Variants in TRPC7 observed in about 807,000 individuals in gnomAD.
TRPC7 encodes the protein transient receptor potential cation channel subfamily C member 7.
Under a neutral mutation model 90.1 loss-of-function variants are expected in TRPC7, and 42 were observed. That is an observed-to-expected ratio of 0.47 (90% CI 0.36 to 0.60). The LOEUF (loss-of-function observed/expected upper bound fraction) is 0.60. TRPC7 is among the 20% of genes least tolerant of loss of function. The pLI, the probability that TRPC7 is intolerant of heterozygous loss-of-function variation, is 0.00. For synonymous variants in TRPC7, 451 were observed against 436.3 expected (o/e 1.03, Z -0.42); for missense variants, 955 against 1,112.3 (o/e 0.86, Z 2.01).
chr5:136,243,681 T>A (rs879841026), intron 7 of TRPC7, among the ~76,000 whole-genome samples: 6 of 151,890 alleles, frequency 4.0e-5, no homozygotes, highest in African/African-American at 1.2e-4. Context: ...TTTTTTTTTT[T>A]AATTAACAAA....
rs966499240 is a variant in TRPC7 at position 136,312,405 on chromosome 5, A to G, written c.963+3192T>C. 3.3e-5 allele frequency among the ~76,000 whole-genome samples: 5 copies of G among 152,204 alleles called. No individual in the cohort carries two copies. In the East Asian group the frequency reaches 5.8e-4, roughly 18 times the overall value. ...AGGGAGTCATCACTGAATGACAGCA[A>G]TGATGCTTCCTTTTGGAGCTGCAGA... On this transcript the variant is annotated intron_variant, in intron 3 of 11. Coordinates refer to ENST00000513104, the MANE Select transcript of TRPC7 (RefSeq NM_020389.3).
At position 136,338,071 on chromosome 5, in the gene TRPC7, G is replaced by A. The variant is rs565621162; in HGVS notation, c.780+18537C>T. 1.0e-3 allele frequency among the ~76,000 whole-genome samples: 152 copies of A among 152,142 alleles called. 1 individual carries two copies. Among genetic ancestry groups the A allele is most frequent in the South Asian group, 2.9e-3 (14 of 4,806 alleles). On this transcript the variant is annotated intron_variant, in intron 2 of 11. Transcript: ENST00000513104. ...GGTGGGGAGAGAGAGAGAGAGCAGC[G>A]ATACTTAGCATTTCAATGTGGCCCT...
At chr5:136,243,793 G>A (rs2149802360) in intron 7 of TRPC7, among the ~76,000 whole-genome samples, 1 of 151,796 alleles carries the variant, frequency 6.6e-6, no homozygotes, top group South Asian at 2.1e-4. Flanking sequence ...CTGCTCTATT[G>A]ACTGTTTTTC....
intron 2 of TRPC7, among the ~76,000 whole-genome samples, chr5:136,337,826 C>T (rs563921385): frequency 5.9e-5 from 9 of 152,092 alleles, no homozygotes; most frequent in Admixed American, 5.2e-4. Flanking sequence ...TCCAGCATTC[C>T]GAAATGAGAT....
chr5:136,229,255 G>A (rs1215013223), intron 8 of TRPC7, among the ~76,000 whole-genome samples: 2 of 152,152 alleles, frequency 1.3e-5, no homozygotes, highest in African/African-American at 2.4e-5. Context: ...GAGGCTTCAT[G>A]GCCAGGCTCA....
chr5:136,316,084 C>A, intron 2 of TRPC7: 1 of 297,026 alleles, frequency 3.4e-6, no homozygotes, highest in Non-Finnish European at 6.2e-6. Context: ...CCTAGACTTA[C>A]TGAGTCAGAA....
chr5:136,315,459 A>C, intron 3 of TRPC7, 138 bp downstream of exon 3: 1 of 906,364 alleles, frequency 1.1e-6, no homozygotes, highest in Non-Finnish European at 1.7e-6. Flanking sequence ...GCTGACAGCT[A>C]GCTCCCTGTC....
chr5:136,244,135 G>A (rs1486999706), intron 7 of TRPC7, among the ~76,000 whole-genome samples: 4 of 149,070 alleles, frequency 2.7e-5, no homozygotes, highest in Non-Finnish European at 5.9e-5. Flanking sequence ...TCTCTCTTTC[G>A]CCCTCCCCTC....
intron 10 of TRPC7, among the ~76,000 whole-genome samples, chr5:136,223,744 G>A (rs993650010): frequency 2.6e-5 from 4 of 152,134 alleles, no homozygotes; most frequent in Non-Finnish European, 5.9e-5. Flanking sequence ...AGCTAATTCT[G>A]CTCAAAACCT....
At chr5:136,338,948 A>T (rs1182466244) in intron 2 of TRPC7, among the ~76,000 whole-genome samples, 1 of 152,240 alleles carries the variant, frequency 6.6e-6, no homozygotes, top group Non-Finnish European at 1.5e-5. Context: ...AACTGAATGT[A>T]GATTTTGACT....
At chr5:136,288,799 G>A (rs1047657005) in intron 3 of TRPC7, among the ~76,000 whole-genome samples, 4 of 152,180 alleles carry the variant, frequency 2.6e-5, no homozygotes, top group Admixed American at 2.6e-4. Flanking sequence ...TGCACCATCT[G>A]TAAATATAAT....
At chr5:136,354,630 AT>A (rs926368420) in intron 2 of TRPC7, among the ~76,000 whole-genome samples, 1 of 152,148 alleles carries the variant, frequency 6.6e-6, no homozygotes, top group Non-Finnish European at 1.5e-5. Context: ...AGACAAGTTA[AT>A]TTCCCAAACT....
chr5:136,289,686 C>T (rs1489126052), intron 3 of TRPC7, among the ~76,000 whole-genome samples: 2 of 152,234 alleles, frequency 1.3e-5, no homozygotes, highest in Non-Finnish European at 2.9e-5. Context: ...TCAAGGAGGC[C>T]TGCCTGCCTC....
rs549011837 is a variant in TRPC7 at position 136,230,221 on chromosome 5, TTTTTA to T, written c.2040+1128_2040+1132del. Among the ~76,000 whole-genome samples, 332 of 152,364 alleles carry T rather than the reference TTTTTA, an allele frequency of 2.2e-3. 3 individuals carry two copies. The highest frequency in any genetic ancestry group is 7.8e-3 in the African/African-American group (323 of 41,580). The stretch of plus-strand genomic sequence containing the variant: ...AATTGTTGAGTCAATAGGTCAGTGC[TTTTTA>T]TTTTAACTTTAGCTTATTTATTTAA... On this transcript the variant is annotated intron_variant, in intron 8 of 11. Transcript: ENST00000513104.
At chr5:136,227,769 C>G (rs1364461712) in intron 8 of TRPC7, among the ~76,000 whole-genome samples, 1 of 152,222 alleles carries the variant, frequency 6.6e-6, no homozygotes, top group African/African-American at 2.4e-5. Flanking sequence ...GCTATGCAAC[C>G]ATGGCAGGTG....
intron 5 of TRPC7, among the ~76,000 whole-genome samples, chr5:136,255,943 C>T (rs186776388): frequency 6.2e-4 from 95 of 152,304 alleles, no homozygotes; most frequent in African/African-American, 1.9e-3. Flanking sequence ...GGGCTCAAAT[C>T]AGTTAGAAAA....
intron 3 of TRPC7, among the ~76,000 whole-genome samples, chr5:136,308,628 C>A (rs1237958920): frequency 1.3e-5 from 2 of 152,208 alleles, no homozygotes; most frequent in Admixed American, 1.3e-4. Flanking sequence ...CAGAGCCCAG[C>A]AGAGGGCATC....
chr5:136,326,970 G>A (rs1759364120), intron 2 of TRPC7, among the ~76,000 whole-genome samples: 1 of 152,176 alleles, frequency 6.6e-6, no homozygotes, highest in African/African-American at 2.4e-5. Flanking sequence ...GGCATTCAAG[G>A]GAGATGGAAA....
At chr5:136,298,189 C>G (rs6894597) in intron 3 of TRPC7, among the ~76,000 whole-genome samples, 18,423 of 152,056 alleles carry the variant, frequency 0.12, 1,173 homozygotes, top group African/African-American at 0.14. Flanking sequence ...ATCGGGTGGT[C>G]AGGAGGTCCC....
Sources: allele counts gnomAD v4.1 joint callset (sites outside exome capture counted in the v4.1 genomes callset), GRCh38; gene constraint gnomAD v4.1.1; transcripts MANE v1.5; gene names NCBI Gene and HGNC (gene_info 2026-07-23, HGNC 2026-07-21).